The following BBX variants were observed in gnomAD, a reference collection of about 807,000 sequenced individuals.
The protein encoded by BBX is BBX high mobility group box domain containing, also known as HMG box transcription factor BBX.
A neutral mutation model predicts 100.2 loss-of-function variants in BBX; 30 were observed. That is an observed-to-expected ratio of 0.30 (90% CI 0.22 to 0.41). BBX has a LOEUF of 0.41. BBX is among the 10% of genes least tolerant of loss of function. The pLI, the probability that BBX is intolerant of heterozygous loss-of-function variation, is 1.00. For missense variants in BBX, 1,023 were observed against 1,129.8 expected (o/e 0.91, Z 1.35); for synonymous variants, 376 against 388.1 (o/e 0.97, Z 0.37).
intron 2 of BBX, among the ~76,000 whole-genome samples, chr3:107,637,188 A>C (rs756127100): frequency 6.6e-6 from 1 of 152,138 alleles, no homozygotes; most frequent in Non-Finnish European, 1.5e-5. Context: ...TATTTATAGG[A>C]ATATTTAAGA....
At chr3:107,756,488 AG>A (rs2065487099) in intron 10 of BBX, among the ~76,000 whole-genome samples, 1 of 152,082 alleles carries the variant, frequency 6.6e-6, no homozygotes, top group African/African-American at 2.4e-5. Flanking sequence ...GCTCCCTTTG[AG>A]TTCTTTTGTA....
intron 2 of BBX, among the ~76,000 whole-genome samples, chr3:107,620,576 G>A (rs1032570371): frequency 6.6e-6 from 1 of 152,186 alleles, no homozygotes; most frequent in South Asian, 2.1e-4. Context: ...TCTTATTATT[G>A]CAAGATGAGA....
Position 107,808,500 on chromosome 3 carries a change from T to C in BBX, c.*3043T>C, listed in dbSNP as rs1223179531. The C allele has an allele frequency of 6.6e-6, 1 of 152,208 alleles. No homozygotes were observed. The highest frequency in any genetic ancestry group is 1.5e-5 in the Non-Finnish European group (1 of 68,026). 9.4% of individuals were successfully genotyped at this position (152,208 alleles called of 1,614,324 possible). On this transcript the variant is annotated 3_prime_UTR_variant, in exon 18 of 18. Transcript: ENST00000325805. The stretch of plus-strand genomic sequence containing the variant: ...AGACGCAGTACTGTTCCAGTTTTCT[T>C]TAGCCTTTTATTTATTTAGTTATTC...
At chr3:107,657,228 T>C (rs2058198086) in intron 3 of BBX, 1 of 152,176 alleles carries the variant, frequency 6.6e-6, no homozygotes, top group Non-Finnish European at 1.5e-5. Context: ...GGGGCTATTA[T>C]GAGAGACATT....
At chr3:107,638,760 A>C (rs2057001725) in intron 2 of BBX, among the ~76,000 whole-genome samples, 1 of 18,764 alleles carries the variant, frequency 5.3e-5, no homozygotes. Flanking sequence ...TCCTCTACCA[A>C]AAAAAAAAAA....
chr3:107,604,057 C>T (rs1026344139), intron 2 of BBX, among the ~76,000 whole-genome samples: 2 of 152,046 alleles, frequency 1.3e-5, no homozygotes, highest in Non-Finnish European at 2.9e-5. Context: ...AGTGTAGCTG[C>T]GTATTGGAAC....
intron 12 of BBX, among the ~76,000 whole-genome samples, chr3:107,777,185 T>C (rs1172855143): frequency 1.3e-5 from 2 of 152,186 alleles, no homozygotes; most frequent in African/African-American, 4.8e-5. Context: ...AATATGCATG[T>C]ATAGGAACAA....
chr3:107,637,028 T>C (rs2056890480), intron 2 of BBX, among the ~76,000 whole-genome samples: 1 of 152,198 alleles, frequency 6.6e-6, no homozygotes, highest in Admixed American at 6.5e-5. Context: ...TATATAATTT[T>C]AATATAGTTA....
chr3:107,610,714 C>G lies in BBX; in HGVS notation c.-83-35122C>G, dbSNP rs569051579. Among the ~76,000 whole-genome samples the G allele has an allele frequency of 9.8e-4, 149 of 151,816 alleles. 2 individuals are homozygous for G. The highest frequency in any genetic ancestry group is 8.1e-3 in the Admixed American group (124 of 15,248). The stretch of plus-strand genomic sequence containing the variant: ...TTGCATGGATTGTCTTTCCCCACCC[C>G]CCTGGCTTTATTTTCACCCTTCATG... On this transcript the variant is annotated intron_variant, in intron 2 of 17. Transcript: ENST00000325805.
At chr3:107,555,461 A>G (rs1181086779) in intron 2 of BBX, among the ~76,000 whole-genome samples, 7 of 152,206 alleles carry the variant, frequency 4.6e-5, no homozygotes, top group African/African-American at 1.7e-4. Flanking sequence ...TAACTTTTCA[A>G]GAAGACATTG....
intron 2 of BBX, among the ~76,000 whole-genome samples, chr3:107,535,593 CTTTT>C (rs11298693): frequency 5.3e-5 from 7 of 132,832 alleles, no homozygotes; most frequent in Admixed American, 7.5e-5. Flanking sequence ...TGCTCTGTTC[CTTTT>C]TTTTTTTTTT....
chr3:107,748,696 A>G (rs1449260087), intron 9 of BBX, among the ~76,000 whole-genome samples: 1 of 152,204 alleles, frequency 6.6e-6, no homozygotes, highest in African/African-American at 2.4e-5. Flanking sequence ...TCTAATGAGC[A>G]CTATATGACA....
intron 14 of BBX, 66 bp downstream of exon 14, chr3:107,789,942 A>G: frequency 7.8e-7 from 1 of 1,289,416 alleles, no homozygotes; most frequent in South Asian, 1.4e-5. Flanking sequence ...ATCTTTGAGT[A>G]ATGCTCCCAT....
intron 2 of BBX, among the ~76,000 whole-genome samples, chr3:107,565,031 A>G (rs1004023513): frequency 6.6e-6 from 1 of 152,174 alleles, no homozygotes; most frequent in Non-Finnish European, 1.5e-5. Context: ...TTTTCCTACA[A>G]ATCTCACACA....
Position 107,772,989 on chromosome 3 carries a change from C to T in BBX, c.1268C>T (p.Pro423Leu), listed in dbSNP as rs776628531. The change falls in exon 11 of 18, where the codon CCC becomes CTC. Residue 423 changes from proline to leucine, a missense_variant. Around this residue, in one of 9 missense-constraint regions of BBX, gnomAD observed 348 missense variants for 353.2 expected, o/e 0.99. Coordinates refer to ENST00000325805, the MANE Select transcript of BBX (RefSeq NM_001142568.3). ...ASSKIIISDV[P>L]SRKDHMCHPH... ...AGCAAGATAATAATTAGTGATGTTC[C>T]CAGTAGAAAGGATCATATGTGCCAT... is the stretch of plus-strand genomic sequence containing the variant. The T allele has an allele frequency of 6.2e-7, 1 of 1,613,740 alleles. No homozygotes were observed. Among genetic ancestry groups the T allele is most frequent in the Non-Finnish European group, 8.5e-7 (1 of 1,179,944 alleles).
Position 107,801,276 on chromosome 3 carries a change from G to A in BBX, c.2733G>A (p.Val911=), listed in dbSNP as rs768329394. The stretch of plus-strand genomic sequence containing the variant: ...CTGAAGTGGCAGCCATGGAAAATGT[G>A]CACAGGTTAGTGGTAGAAGGTGGAA... ...ALAEVAAMEN[V]HRGQRSTPLT... is the part of the protein sequence containing the mutation. Residue 911 remains valine (V), a synonymous_variant, in exon 17 of 18, where the codon GTG becomes GTA. Coordinates refer to ENST00000325805, the MANE Select transcript of BBX (RefSeq NM_001142568.3). 1.7e-5 allele frequency: 27 copies of A among 1,613,752 alleles called. No homozygotes were observed. The highest frequency in any genetic ancestry group is 2.2e-5 in the Non-Finnish European group (26 of 1,179,880).
rs142598308 is a variant in BBX at position 107,741,069 on chromosome 3, A to G, written c.670-3561A>G. 6.3e-4 allele frequency among the ~76,000 whole-genome samples: 95 copies of G among 151,476 alleles called. No individual in the cohort carries two copies. The East Asian group carries it at 0.018, about 28-fold the overall frequency. On this transcript the variant is annotated intron_variant, in intron 7 of 17. Coordinates refer to ENST00000325805, the MANE Select transcript of BBX (RefSeq NM_001142568.3). ...TATTTGTTGAATGAGTGAGTAATCA[A>G]TAAATGTTTGAATTAGCAAGGGTAG... is the stretch of plus-strand genomic sequence containing the variant.
chr3:107,616,098 A>G (rs894685276), intron 2 of BBX, among the ~76,000 whole-genome samples: 1 of 127,804 alleles, frequency 7.8e-6, no homozygotes, highest in African/African-American at 2.9e-5. Flanking sequence ...TTTTGAGATA[A>G]TTTTGGATTC....
intron 2 of BBX, among the ~76,000 whole-genome samples, chr3:107,572,727 T>C (rs571341992): frequency 6.6e-6 from 1 of 152,296 alleles, no homozygotes; most frequent in Admixed American, 6.5e-5. Context: ...GAAAGCTAAT[T>C]TTTAAAAATA....
Sources: gnomAD v4.1 joint callset for allele counts (sites outside exome capture counted in the v4.1 genomes callset) on GRCh38, gnomAD v4.1.1 for gene constraint, gnomAD v4.1.1 regional missense constraint, MANE v1.5 for transcripts, NCBI Gene and HGNC (gene_info 2026-07-23, HGNC 2026-07-21) for gene names.